The following TTC21B variants were observed in gnomAD, a reference collection of about 807,000 sequenced individuals.
The protein encoded by TTC21B is tetratricopeptide repeat protein 21B.
TTC21B carries 127 observed loss-of-function variants against 175.1 expected under a neutral mutation model. The observed-to-expected ratio is 0.73, with a 90% CI of 0.63 to 0.84. The LOEUF (loss-of-function observed/expected upper bound fraction) is 0.84, where lower values mean the gene tolerates loss of function less well. Among genes scored for constraint, TTC21B ranks in the 40% least tolerant of loss-of-function variants. The pLI is 0.00. For missense variants in TTC21B, 1,561 were observed against 1,558.3 expected, an observed-to-expected ratio of 1.00 and a Z score of -0.03; for synonymous variants, 524 against 524.5, an observed-to-expected ratio of 1.00 and a Z score of 0.01.
In TTC21B at chr2:165,919,202, AAC is replaced by A. The variant is rs1015866402; in HGVS notation, c.1674+72_1674+73del. 4 of 1,566,468 alleles carry A rather than the reference AAC, an allele frequency of 2.6e-6. No homozygotes were observed. In the African/African-American group the frequency reaches 5.4e-5, roughly 21 times the overall value. On this transcript the variant is annotated intron_variant, in intron 13 of 28. Coordinates refer to ENST00000243344, the MANE Select transcript of TTC21B (RefSeq NM_024753.5). The stretch of plus-strand genomic sequence containing the variant: ...CTGTTAGCAAAATACTACAGGCTAA[AAC>A]ACAAAATACTTGAATATGTAAGCTT...
chr2:165,882,508 T>A (rs1684870480), intron 26 of TTC21B, among the ~76,000 whole-genome samples: 1 of 152,162 alleles, frequency 6.6e-6, no homozygotes, highest in Non-Finnish European at 1.5e-5. Context: ...ACTAGAGGTG[T>A]CTTTAAGTTG....
intron 15 of TTC21B, 46 bp from the exon 16 acceptor site, chr2:165,913,692 T>G (rs777180760): frequency 6.9e-7 from 1 of 1,454,048 alleles, no homozygotes; most frequent in East Asian, 2.3e-5. Context: ...CACAGATATC[T>G]TCTTCCAAAA....
chr2:165,939,481 T>C (rs1478815574), intron 6 of TTC21B, among the ~76,000 whole-genome samples: 1 of 152,238 alleles, frequency 6.6e-6, no homozygotes, highest in Non-Finnish European at 1.5e-5. Context: ...GTATTACCTA[T>C]GAAATTTACT....
intron 14 of TTC21B, among the ~76,000 whole-genome samples, chr2:165,916,882 A>AT (rs967285015): frequency 2.0e-5 from 3 of 151,678 alleles, no homozygotes; most frequent in African/African-American, 7.3e-5. Context: ...TTAGCTTTTC[A>AT]TTTTTTTTCT....
Position 165,898,563 on chromosome 2 carries a change from A to G in TTC21B, c.2950+123T>C. The G allele has an allele frequency of 5.5e-6, 4 of 733,208 alleles. 1 individual carries two copies. Among genetic ancestry groups the G allele is most frequent in the Middle Eastern group, 2.3e-4 (1 of 4,374 alleles). The allele number at this position is 733,208 out of a possible 1,614,324, so 45.4% of individuals were successfully genotyped here. A position where few individuals can be genotyped will look rare whatever the true frequency, so the allele number is the denominator to read the frequency against. ...TCAGCTACTCAAGCCCATGTGTGGA[A>G]TAAACAGACAGTCTGATTCAACTAG... On this transcript the variant is annotated intron_variant, in intron 22 of 28. Transcript: ENST00000243344.
At chr2:165,928,703 C>T (rs910678829) in intron 11 of TTC21B, 1 of 172,016 alleles carries the variant, frequency 5.8e-6, no homozygotes, top group Admixed American at 6.0e-5. Flanking sequence ...AGTAAATGGT[C>T]CTTTCTTTTT....
intron 6 of TTC21B, among the ~76,000 whole-genome samples, chr2:165,934,517 A>AAAAAAAAAAAAAAG (rs1553514802): frequency 1.1e-4 from 13 of 116,518 alleles, no homozygotes; most frequent in African/African-American, 3.9e-4. Context: ...AAAAAAAAAA[A>AAAAAAAAAAAAAAG]AAAAGAAAAG....
At chr2:165,898,229 G>A (rs546334684) in intron 22 of TTC21B, among the ~76,000 whole-genome samples, 2 of 152,236 alleles carry the variant, frequency 1.3e-5, no homozygotes, top group South Asian at 2.1e-4. Context: ...TTTTTTAGGT[G>A]AGAAGCTGGC....
chr2:165,886,445 G>A (rs1029889103), intron 25 of TTC21B, among the ~76,000 whole-genome samples: 5 of 152,058 alleles, frequency 3.3e-5, no homozygotes, highest in African/African-American at 9.7e-5. Context: ...CTTAGCACTC[G>A]CTGGCTGCTT....
chr2:165,896,514 C>G (rs1227678673), intron 22 of TTC21B, among the ~76,000 whole-genome samples: 1 of 149,468 alleles, frequency 6.7e-6, no homozygotes, highest in African/African-American at 2.5e-5. Context: ...AATCCTAAAG[C>G]CAAACCCCAA....
intron 16 of TTC21B, 27 bp downstream of exon 16, chr2:165,913,547 G>T: frequency 1.3e-6 from 2 of 1,494,592 alleles, no homozygotes; most frequent in South Asian, 1.1e-5. Flanking sequence ...TTTTAAAAAT[G>T]CAGTTCAGTA....
rs753508767 is a variant in TTC21B at position 165,949,518 on chromosome 2, T to C, written c.152-14A>G. 7 of 1,613,252 alleles carry C rather than the reference T, an allele frequency of 4.3e-6. No individual in the cohort carries two copies. The African/African-American group carries it at 5.3e-5, about 12-fold the overall frequency. Reference sequence around the variant, plus strand: ...CTTGAGTTTTACCTGAAAATCAAGATTATGATATGAAAAACTGTTCTTAGT... The same window carrying C: ...CTTGAGTTTTACCTGAAAATCAAGACTATGATATGAAAAACTGTTCTTAGT... On this transcript the variant is annotated splice_polypyrimidine_tract_variant and intron_variant, in intron 2 of 28. Transcript: ENST00000243344.
chr2:165,889,693 T>A (rs1352008630), intron 24 of TTC21B, among the ~76,000 whole-genome samples: 1 of 152,166 alleles, frequency 6.6e-6, no homozygotes, highest in Non-Finnish European at 1.5e-5. Context: ...TACCACTAAT[T>A]TTCTCCAGCT....
At position 165,924,661 on chromosome 2, in the gene TTC21B, T is replaced by G. The variant is rs1236711278; in HGVS notation, c.1404A>C (p.Gln468His). ...AACGCCTGAGAAGTGGACAAAGAGG[T>G]TGCCCAGGACTTGCAGGCTAAACAA... ...FCPMQPASPG[Q>H]PLCPLLRRCI... The change falls in exon 12 of 29, where the codon CAA becomes CAC. Residue 468 changes from glutamine (Q) to histidine (H), a missense_variant. Transcript: ENST00000243344. 2 of 1,613,664 alleles carry G rather than the reference T, an allele frequency of 1.2e-6. No individual in the cohort carries two copies. The highest frequency in any genetic ancestry group is 1.7e-6 in the Non-Finnish European group (2 of 1,179,742).
chr2:165,875,540 GAC>G (rs1156371011), intron 28 of TTC21B, among the ~76,000 whole-genome samples: 1 of 152,064 alleles, frequency 6.6e-6, no homozygotes, highest in Non-Finnish European at 1.5e-5. Context: ...TATATAAAGA[GAC>G]TCTACAAATT....
At chr2:165,915,600 TA>T (rs1686139760) in intron 14 of TTC21B, among the ~76,000 whole-genome samples, 161 bp from the exon 15 acceptor site, 1 of 152,178 alleles carries the variant, frequency 6.6e-6, no homozygotes, top group African/African-American at 2.4e-5. Context: ...AATTTAAAAC[TA>T]AACCCATGAC....
intron 24 of TTC21B, 46 bp downstream of exon 24, chr2:165,890,433 T>A: frequency 6.3e-7 from 1 of 1,586,840 alleles, no homozygotes; most frequent in Non-Finnish European, 8.6e-7. Context: ...GTTTATTATC[T>A]CCAACAAGTG....
intron 27 of TTC21B, 78 bp downstream of exon 27, chr2:165,880,601 A>T: frequency 6.6e-7 from 1 of 1,510,292 alleles, no homozygotes; most frequent in Non-Finnish European, 9.1e-7. Flanking sequence ...TTTTGAAAAA[A>T]ATCAAATGCA....
At chr2:165,927,364 T>TATA (rs1686720000) in intron 11 of TTC21B, among the ~76,000 whole-genome samples, 1 of 64,114 alleles carries the variant, frequency 1.6e-5, no homozygotes, top group African/African-American at 4.0e-5. Context: ...ATTTTATATA[T>TATA]ATATATATAT....
Sources: allele counts gnomAD v4.1 joint callset (sites outside exome capture counted in the v4.1 genomes callset), GRCh38; gene constraint gnomAD v4.1.1; transcripts MANE v1.5; gene names NCBI Gene and HGNC (gene_info 2026-07-23, HGNC 2026-07-21).